The following LIN7A variants were observed in gnomAD, a reference collection of about 807,000 sequenced individuals.
LIN7A encodes protein lin-7 homolog A.
LIN7A carries 25 observed loss-of-function variants against 29.8 expected under a neutral mutation model. The ratio of observed to expected loss-of-function variants is 0.84; its 90% confidence interval spans 0.61 to 1.17. The LOEUF is 1.17. Among genes scored for constraint, LIN7A ranks in the 50% most tolerant of loss-of-function variants. The pLI, the probability that LIN7A is intolerant of heterozygous loss-of-function variation, is 0.00. For synonymous variants in LIN7A, 118 were observed against 107.5 expected (o/e 1.10, Z -0.60); for missense variants, 239 against 287.0 (o/e 0.83, Z 1.21).
intron 5 of LIN7A, among the ~76,000 whole-genome samples, chr12:80,804,674 G>A (rs2132233): frequency 0.099 from 15,102 of 151,812 alleles, 808 homozygotes; most frequent in East Asian, 0.18. Context: ...AAGTAGCTGG[G>A]ATTATAGGCG....
intron 1 of LIN7A, among the ~76,000 whole-genome samples, chr12:80,931,419 T>G (rs1877897283): frequency 6.6e-6 from 1 of 152,148 alleles, no homozygotes; most frequent in Non-Finnish European, 1.5e-5. Context: ...GGCACGCGCA[T>G]CACCTGAGGT....
At chr12:80,917,422 A>G (rs913926262) in intron 1 of LIN7A, among the ~76,000 whole-genome samples, 8 of 152,200 alleles carry the variant, frequency 5.3e-5, no homozygotes, top group African/African-American at 1.9e-4. Flanking sequence ...TTAACTCACA[A>G]TAGCTTCCTT....
Position 80,807,063 on chromosome 12 carries a change from G to GTTTTTTTT in LIN7A, c.*4394_*4401dup, listed in dbSNP as rs71094991. On this transcript the variant is annotated intron_variant, in intron 5 of 5. Coordinates refer to ENST00000552864, the MANE Select transcript of LIN7A (RefSeq NM_004664.4). The stretch of plus-strand genomic sequence containing the variant: ...CCATAGGAAATTTAATGAAGATGGA[G>GTTTTTTTT]TTTTTTTTTTTTTTTTTTTTTTTTT... 2.2e-4 allele frequency among the ~76,000 whole-genome samples: 12 copies of GTTTTTTTT among 53,562 alleles called. 3 individuals are homozygous for GTTTTTTTT. Among genetic ancestry groups the GTTTTTTTT allele is most frequent in the African/African-American group, 5.2e-4 (6 of 11,526 alleles). The allele number at this position is 53,562 out of a possible 152,430, so 35.1% of individuals were successfully genotyped here.
chr12:80,887,486 T>C (rs1875389577), intron 2 of LIN7A, among the ~76,000 whole-genome samples: 1 of 152,160 alleles, frequency 6.6e-6, no homozygotes, highest in African/African-American at 2.4e-5. Flanking sequence ...GCTACCTCTA[T>C]GGAGCCTACC....
intron 2 of LIN7A, among the ~76,000 whole-genome samples, chr12:80,875,434 T>G (rs1690366627): frequency 6.6e-6 from 1 of 152,186 alleles, no homozygotes; most frequent in African/African-American, 2.4e-5. Context: ...ATACACTTAC[T>G]ACACGAAACT....
intron 1 of LIN7A, among the ~76,000 whole-genome samples, chr12:80,919,542 A>G (rs1425934754): frequency 6.6e-6 from 1 of 152,190 alleles, no homozygotes; most frequent in Admixed American, 6.5e-5. Flanking sequence ...TGCTTCCTAG[A>G]AAGAACAGAT....
chr12:80,887,051 C>T (rs1239756687), intron 2 of LIN7A, among the ~76,000 whole-genome samples: 1 of 152,080 alleles, frequency 6.6e-6, no homozygotes, highest in African/African-American at 2.4e-5. Context: ...GGATAGTCTT[C>T]TGCAAAACTA....
At chr12:80,857,060 A>G (rs1300821835) in intron 2 of LIN7A, among the ~76,000 whole-genome samples, 1 of 152,148 alleles carries the variant, frequency 6.6e-6, no homozygotes, top group East Asian at 1.9e-4. Flanking sequence ...TACTAGTGGT[A>G]TTGATAGTGT....
intron 1 of LIN7A, among the ~76,000 whole-genome samples, chr12:80,910,958 T>G (rs1876717573): frequency 6.6e-6 from 1 of 152,206 alleles, no homozygotes; most frequent in Non-Finnish European, 1.5e-5. Flanking sequence ...GTTGAACTGA[T>G]AGTATTTCTT....
chr12:80,821,476 G>A lies in LIN7A; in HGVS notation c.484-9793C>T, dbSNP rs565405758. ...CTTCAGTAAATCATAATCTTTTTGC[G>A]GATGGAGGGTTTTGTCTTTATATGG... On this transcript the variant is annotated intron_variant, in intron 4 of 5. Coordinates refer to ENST00000552864, the MANE Select transcript of LIN7A (RefSeq NM_004664.4). Among the ~76,000 whole-genome samples, 100 of 152,176 alleles carry A rather than the reference G, an allele frequency of 6.6e-4. 1 individual carries two copies. The highest frequency in any genetic ancestry group is 2.3e-3 in the African/African-American group (96 of 41,488).
intron 1 of LIN7A, among the ~76,000 whole-genome samples, chr12:80,911,389 A>G (rs1015500233): frequency 6.6e-6 from 1 of 151,228 alleles, no homozygotes; most frequent in Non-Finnish European, 1.5e-5. Context: ...AGCTGGGAAT[A>G]CAGGTACATG....
intron 1 of LIN7A, among the ~76,000 whole-genome samples, chr12:80,927,027 G>GT (rs1226779121): frequency 6.7e-6 from 1 of 149,314 alleles, no homozygotes; most frequent in African/African-American, 2.5e-5. Context: ...ACTAAAAGTT[G>GT]TTTTTTAATC....
chr12:80,819,289 C>A (rs1871684602), intron 4 of LIN7A, among the ~76,000 whole-genome samples: 1 of 152,040 alleles, frequency 6.6e-6, no homozygotes, highest in Non-Finnish European at 1.5e-5. Context: ...TCATCTTTCC[C>A]TTTTTTCAAA....
At chr12:80,930,156 T>C (rs946550827) in intron 1 of LIN7A, among the ~76,000 whole-genome samples, 3 of 152,242 alleles carry the variant, frequency 2.0e-5, no homozygotes, top group African/African-American at 7.2e-5. Flanking sequence ...GGACTAGCTA[T>C]ATTGTTTCTA....
In LIN7A at chr12:80,822,258, A is replaced by G. The variant is rs551779431; in HGVS notation, c.484-10575T>C. Among the ~76,000 whole-genome samples the G allele has an allele frequency of 9.2e-5, 14 of 152,282 alleles. No homozygotes were observed. The South Asian group carries it at 2.1e-3, about 23-fold the overall frequency. ...GATCTTGTGAGACTTATTCACTACC[A>G]CAAGAACAATATGGGGGCGCTGTGT... On this transcript the variant is annotated intron_variant, in intron 4 of 5. Transcript: ENST00000552864.
chr12:80,855,774 A>G (rs1873563804), intron 2 of LIN7A, among the ~76,000 whole-genome samples: 1 of 152,150 alleles, frequency 6.6e-6, no homozygotes, highest in Non-Finnish European at 1.5e-5. Flanking sequence ...TATGACTAGA[A>G]TAAAATAGAA....
At chr12:80,809,872 TAA>T (rs1471490920) in intron 5 of LIN7A, among the ~76,000 whole-genome samples, 2 of 152,212 alleles carry the variant, frequency 1.3e-5, no homozygotes, top group Admixed American at 6.5e-5. Flanking sequence ...TCAAAACTCT[TAA>T]AGTTTTATTT....
At chr12:80,888,381 CAAG>C (rs2120639976) in intron 2 of LIN7A, among the ~76,000 whole-genome samples, 1 of 152,192 alleles carries the variant, frequency 6.6e-6, no homozygotes, top group South Asian at 2.1e-4. Flanking sequence ...ACATTAGCCA[CAAG>C]AAGAGTTGTA....
intron 4 of LIN7A, chr12:80,842,041 C>T: frequency 1.6e-6 from 2 of 1,283,040 alleles, no homozygotes; most frequent in Non-Finnish European, 2.0e-6. Flanking sequence ...TGGGAAATTT[C>T]TCTTGGTGCC....
Sources: allele counts gnomAD v4.1 joint callset (sites outside exome capture counted in the v4.1 genomes callset), GRCh38; gene constraint gnomAD v4.1.1; transcripts MANE v1.5; gene names NCBI Gene and HGNC (gene_info 2026-07-23, HGNC 2026-07-21).